Variants in NFIB observed in about 807,000 individuals in gnomAD.
NFIB encodes the protein nuclear factor 1 B-type.
In NFIB, 11 loss-of-function variants were observed where a neutral mutation model predicts 61.5. That is an observed-to-expected ratio of 0.18 (90% CI 0.11 to 0.30). NFIB has a LOEUF of 0.30. Ranked by LOEUF, NFIB falls within the 10% of genes least tolerant of loss-of-function variation. The pLI is 1.00. For missense variants in NFIB, 471 were observed against 608.9 expected (o/e 0.77, Z 2.38); for synonymous variants, 260 against 216.5 (o/e 1.20, Z -1.76).
intron 3 of NFIB, among the ~76,000 whole-genome samples, chr9:14,179,360 T>C (rs1255191545): frequency 6.6e-6 from 1 of 152,004 alleles, no homozygotes; most frequent in East Asian, 1.9e-4. Context: ...GTTGATAAAC[T>C]ATAATTGCAG....
At position 14,089,159 on chromosome 9, in the gene NFIB, TC is replaced by T. The variant is rs759461347; in HGVS notation, c.1468-834del. ...ACAGCTTTTCCTTCCAATTCATGGTTCCCTACATTGGCTTGCAACAGAAGCC... is the reference window on the plus strand; with the variant it reads ...ACAGCTTTTCCTTCCAATTCATGGTTCCTACATTGGCTTGCAACAGAAGCC... On this transcript the variant is annotated intron_variant, in intron 10 of 10. Coordinates refer to ENST00000380953, the MANE Select transcript of NFIB (RefSeq NM_001190737.2). Among the ~76,000 whole-genome samples, 3 of 152,208 alleles carry T rather than the reference TC, an allele frequency of 2.0e-5. 1 individual carries two copies. The East Asian group carries it at 5.8e-4, about 29-fold the overall frequency.
intron 1 of NFIB, among the ~76,000 whole-genome samples, chr9:14,393,912 T>G (rs952124196): frequency 1.3e-5 from 2 of 152,216 alleles, no homozygotes; most frequent in African/African-American, 4.8e-5. Context: ...TTTGGTAAAT[T>G]AACAAATACA....
chr9:14,501,307 G>A, the NFIB span, among the ~76,000 whole-genome samples: 2 of 152,034 alleles, frequency 1.3e-5, no homozygotes, highest in East Asian at 3.9e-4. Context: ...TTTATTTCTG[G>A]TTGCTCATAA....
the NFIB span, among the ~76,000 whole-genome samples, chr9:14,447,156 T>C: frequency 6.6e-6 from 1 of 152,216 alleles, no homozygotes; most frequent in Non-Finnish European, 1.5e-5. Context: ...TTATTGTTTC[T>C]GTTTCATATT....
chr9:14,394,818 G>T (rs903077188), intron 1 of NFIB, among the ~76,000 whole-genome samples: 4 of 152,142 alleles, frequency 2.6e-5, no homozygotes, highest in African/African-American at 9.7e-5. Flanking sequence ...CTAAGTCTCA[G>T]CTGCCTTCTC....
At chr9:14,478,545 G>C in the NFIB span, among the ~76,000 whole-genome samples, 2 of 152,114 alleles carry the variant, frequency 1.3e-5, no homozygotes, top group Admixed American at 1.3e-4. Flanking sequence ...GAAATCACTT[G>C]GGTATTGTTA....
At chr9:14,327,622 A>C (rs753177514) in intron 1 of NFIB, among the ~76,000 whole-genome samples, 1 of 152,202 alleles carries the variant, frequency 6.6e-6, no homozygotes, top group Non-Finnish European at 1.5e-5. Flanking sequence ...TGTTTAGAAA[A>C]GAGTAGCCTT....
intron 3 of NFIB, among the ~76,000 whole-genome samples, chr9:14,167,678 T>G (rs567676394): frequency 6.6e-6 from 1 of 152,254 alleles, no homozygotes; most frequent in East Asian, 1.9e-4. Context: ...AAGTGCTATT[T>G]CCACAGCACA....
At chr9:14,165,050 T>C (rs1425268614) in intron 3 of NFIB, among the ~76,000 whole-genome samples, 1 of 152,146 alleles carries the variant, frequency 6.6e-6, no homozygotes, top group African/African-American at 2.4e-5. Flanking sequence ...ATCCACAGCT[T>C]AATGAGATCT....
chr9:14,191,821 C>T (rs1315261342), intron 2 of NFIB, among the ~76,000 whole-genome samples: 1 of 152,174 alleles, frequency 6.6e-6, no homozygotes, highest in African/African-American at 2.4e-5. Context: ...TTGCACGTAC[C>T]ATTACATATG....
chr9:14,291,303 G>A (rs1563981154), intron 2 of NFIB, among the ~76,000 whole-genome samples: 2 of 151,944 alleles, frequency 1.3e-5, no homozygotes, highest in African/African-American at 2.4e-5. Context: ...TGGCCAACAC[G>A]ATGAAATCCA....
the NFIB span, among the ~76,000 whole-genome samples, chr9:14,489,189 C>T: frequency 6.6e-6 from 1 of 152,170 alleles, no homozygotes; most frequent in African/African-American, 2.4e-5. Flanking sequence ...TTTATCCTTG[C>T]AAATTTACTG....
chr9:14,505,908 A>C, the NFIB span, among the ~76,000 whole-genome samples: 1 of 152,230 alleles, frequency 6.6e-6, no homozygotes, highest in African/African-American at 2.4e-5. Flanking sequence ...ACTCCTCTAC[A>C]AAGTAAATGA....
Position 14,231,119 on chromosome 9 carries a change from GGAA to G in NFIB, c.563-51342_563-51340del, listed in dbSNP as rs1157342694. ...TCCTTGGCCTACAGTTTTTCCATGGGGAAAAAAAAAAAAAAAATATATATATAT... is the reference window on the plus strand; with the variant it reads ...TCCTTGGCCTACAGTTTTTCCATGGGAAAAAAAAAAAAAATATATATATAT... On this transcript the variant is annotated intron_variant, in intron 2 of 10. Transcript: ENST00000380953. Among the ~76,000 whole-genome samples the G allele has an allele frequency of 9.0e-4, 32 of 35,408 alleles. 1 individual carries two copies. The highest frequency in any genetic ancestry group is 1.5e-3 in the Admixed American group (5 of 3,402). The allele number at this position is 35,408 out of a possible 152,430, so 23.2% of individuals were successfully genotyped here.
chr9:14,436,736 CATT>C, the NFIB span, among the ~76,000 whole-genome samples: 1 of 152,158 alleles, frequency 6.6e-6, no homozygotes. Context: ...TCAATAGTGA[CATT>C]ATTATCACTC....
chr9:14,123,023 T>G (rs1273282106), intron 7 of NFIB, among the ~76,000 whole-genome samples: 1 of 151,378 alleles, frequency 6.6e-6, no homozygotes, highest in African/African-American at 2.4e-5. Flanking sequence ...TCAGGGTGGG[T>G]GGAGTGGATC....
intron 2 of NFIB, among the ~76,000 whole-genome samples, chr9:14,234,922 A>G (rs2053593906): frequency 6.6e-6 from 1 of 152,148 alleles, no homozygotes; most frequent in African/African-American, 2.4e-5. Flanking sequence ...GACAAAAAAA[A>G]ATAGCTTCAC....
At position 14,255,466 on chromosome 9, in the gene NFIB, A is replaced by C. The variant is rs1322988; in HGVS notation, c.562+51523T>G. 7.3e-3 allele frequency among the ~76,000 whole-genome samples: 1,119 copies of C among 152,284 alleles called. 18 individuals carry two copies. The highest frequency in any genetic ancestry group is 0.025 in the African/African-American group (1,029 of 41,546). On this transcript the variant is annotated intron_variant, in intron 2 of 10. Coordinates refer to ENST00000380953, the MANE Select transcript of NFIB (RefSeq NM_001190737.2). ...TTTACAATTCTCATGAAATGGATGTATGGTCAATGACTGAGGGGATGATAA... is the reference window on the plus strand; with the variant it reads ...TTTACAATTCTCATGAAATGGATGTCTGGTCAATGACTGAGGGGATGATAA...
intron 2 of NFIB, among the ~76,000 whole-genome samples, chr9:14,255,536 A>C (rs1302760596): frequency 6.6e-6 from 1 of 152,238 alleles, no homozygotes; most frequent in Non-Finnish European, 1.5e-5. Flanking sequence ...GGGCATACTG[A>C]TGACCAGATA....
Sources: allele counts gnomAD v4.1 joint callset (sites outside exome capture counted in the v4.1 genomes callset), GRCh38; gene constraint gnomAD v4.1.1; transcripts MANE v1.5; gene names NCBI Gene and HGNC (gene_info 2026-07-23, HGNC 2026-07-21).